DGKD: variants seen among roughly 807,000 people sequenced by gnomAD.
The protein encoded by DGKD is DAG kinase delta.
In DGKD, 68 loss-of-function variants were observed where a neutral mutation model predicts 154.4. The observed-to-expected ratio is 0.44, with a 90% confidence interval of 0.36 to 0.54. DGKD has a LOEUF of 0.54. Among genes scored for constraint, DGKD ranks in the 20% least tolerant of loss-of-function variants. The probability of loss-of-function intolerance (pLI) is 0.00; values close to 1 mark genes in which losing one functional copy is unlikely to be tolerated. For synonymous variants in DGKD, 693 were observed against 638.0 expected, an observed-to-expected ratio of 1.09 and a Z score of -1.30; for missense variants, 1,343 against 1,593.6, an observed-to-expected ratio of 0.84 and a Z score of 2.68.
intron 3 of DGKD, among the ~76,000 whole-genome samples, chr2:233,401,632 G>T (rs2061559713): frequency 6.6e-6 from 1 of 152,020 alleles, no homozygotes. Context: ...AAAGCGCTGT[G>T]AACTAAGGCT....
At chr2:233,380,894 G>A (rs1166399157) in intron 1 of DGKD, among the ~76,000 whole-genome samples, 1 of 152,126 alleles carries the variant, frequency 6.6e-6, no homozygotes, top group African/African-American at 2.4e-5. Context: ...TCCTGTCGGT[G>A]GAGGCTTTGG....
At chr2:233,447,393 A>G in intron 12 of DGKD, 6 of 809,900 alleles carry the variant, frequency 7.4e-6, no homozygotes, top group Non-Finnish European at 9.0e-6. Flanking sequence ...GGTAGTACAA[A>G]GAGGTGAGCT....
In DGKD at chr2:233,438,938, G is replaced by C. The variant is rs981053113; in HGVS notation, c.1085+559G>C. Among the ~76,000 whole-genome samples, 2 of 152,254 alleles carry C rather than the reference G, an allele frequency of 1.3e-5. No individual in the cohort carries two copies. The highest frequency in any genetic ancestry group is 4.8e-5 in the African/African-American group (2 of 41,472). ...AGAGGCACAGGAGGCCGCTCGGTGT[G>C]CAGGTGCTGCAAGGCAGGAACACGT... On this transcript the variant is annotated intron_variant, in intron 9 of 29. Coordinates refer to ENST00000264057, the MANE Select transcript of DGKD (RefSeq NM_152879.3). This position sits in a 1 kb window ranked among gnomAD's most constrained non-coding sequence, Gnocchi z 4.1.
At chr2:233,399,810 A>G (rs2061513394) in intron 3 of DGKD, among the ~76,000 whole-genome samples, 1 of 152,190 alleles carries the variant, frequency 6.6e-6, no homozygotes, top group African/African-American at 2.4e-5. Context: ...CCTTTCCCCC[A>G]ACATGAGGAT....
intron 3 of DGKD, among the ~76,000 whole-genome samples, chr2:233,423,921 C>T (rs2062204479): frequency 6.6e-6 from 1 of 152,146 alleles, no homozygotes. Flanking sequence ...TCCCTTTGGA[C>T]AAGACCCTTG....
intron 1 of DGKD, among the ~76,000 whole-genome samples, chr2:233,357,634 T>C (rs1447417139): frequency 6.6e-6 from 1 of 151,740 alleles, no homozygotes; most frequent in Non-Finnish European, 1.5e-5. Flanking sequence ...CCTCCTGGGC[T>C]TAAGTGATTT....
In DGKD at chr2:233,449,023, G is replaced by T. The variant is rs2063179029; in HGVS notation, c.1615-80G>T. The stretch of plus-strand genomic sequence containing the variant: ...TTTGATCGAGTTCTAGGAAGTCTGG[G>T]TGAAATGGCCTGAGGTTCCCTGCCT... On this transcript the variant is annotated intron_variant, in intron 14 of 29. Coordinates refer to ENST00000264057, the MANE Select transcript of DGKD (RefSeq NM_152879.3). This position sits in a 1 kb window ranked among gnomAD's most constrained non-coding sequence, Gnocchi z 5.3. The T allele has an allele frequency of 1.3e-6, 2 of 1,484,658 alleles. No individual in the cohort carries two copies. The highest frequency in any genetic ancestry group is 2.7e-5 in the South Asian group (2 of 74,550). 92.0% of individuals were successfully genotyped at this position (1,484,658 alleles called of 1,614,324 possible). A position where few individuals can be genotyped will look rare whatever the true frequency, so the allele number is the denominator to read the frequency against.
chr2:233,361,255 G>A (rs1381500000), intron 1 of DGKD, among the ~76,000 whole-genome samples: 1 of 152,162 alleles, frequency 6.6e-6, no homozygotes, highest in African/African-American at 2.4e-5. Flanking sequence ...CAGAAGTATT[G>A]GAAGGACTGC....
chr2:233,435,925 G>T lies in DGKD; in HGVS notation c.693+1G>T. The T allele has an allele frequency of 1.2e-6, 2 of 1,605,570 alleles. No individual in the cohort carries two copies. The highest frequency in any genetic ancestry group is 2.2e-5 in the East Asian group (1 of 44,740). ...GGACATCATTGAAGATGCAGATGGG[G>T]TATGTTAAGAAATACCACCTGTGGG... On this transcript the variant is annotated splice_donor_variant, in intron 6 of 29. Coordinates refer to ENST00000264057, the MANE Select transcript of DGKD (RefSeq NM_152879.3). LOFTEE classifies it high-confidence loss of function.
chr2:233,460,824 G>A (rs60064064), intron 24 of DGKD, among the ~76,000 whole-genome samples: 11,031 of 152,022 alleles, frequency 0.073, 678 homozygotes, highest in South Asian at 0.31. Context: ...CCCCAGAGGC[G>A]GAGGTTGCAG....
intron 1 of DGKD, chr2:233,379,978 G>A (rs568356870): frequency 1.5e-4 from 23 of 152,278 alleles, no homozygotes; most frequent in African/African-American, 5.5e-4. Flanking sequence ...TTTAACAAAC[G>A]TTCCAGGGGT....
rs1229154203 is a variant in DGKD at position 233,440,205 on chromosome 2, C to A, written c.1086-1682C>A. On this transcript the variant is annotated intron_variant, in intron 9 of 29. Transcript: ENST00000264057. This position sits in a 1 kb window ranked among gnomAD's most constrained non-coding sequence, Gnocchi z 4.9. Reference sequence around the variant, plus strand: ...GCAGCTCATCTCACACAGCTCACAGCAGAATCTGGAGCTACTGCTTCATGT... The same window carrying A: ...GCAGCTCATCTCACACAGCTCACAGAAGAATCTGGAGCTACTGCTTCATGT... 2.6e-5 allele frequency among the ~76,000 whole-genome samples: 4 copies of A among 152,208 alleles called. No individual in the cohort carries two copies. The highest frequency in any genetic ancestry group is 6.5e-5 in the Admixed American group (1 of 15,288).
intron 1 of DGKD, among the ~76,000 whole-genome samples, chr2:233,355,769 A>G (rs1701507615): frequency 6.6e-6 from 1 of 152,240 alleles, no homozygotes; most frequent in African/African-American, 2.4e-5. Context: ...GCAAATAACA[A>G]TTCTTTAATA....
At position 233,410,832 on chromosome 2, in the gene DGKD, G is replaced by A. The variant is rs566311775; in HGVS notation, c.348+20349G>A. On this transcript the variant is annotated intron_variant, in intron 3 of 29. Transcript: ENST00000264057. ...ACACTGAAGCTGTCACCATAGTCAGGATAACATTTCCATCACCCTGAGAAT... is the reference window on the plus strand; with the variant it reads ...ACACTGAAGCTGTCACCATAGTCAGAATAACATTTCCATCACCCTGAGAAT... Among the ~76,000 whole-genome samples, 45 of 150,324 alleles carry A rather than the reference G, an allele frequency of 3.0e-4. 1 individual carries two copies. In the South Asian group the frequency reaches 9.3e-3, roughly 31 times the overall value.
rs563337396 is a variant in DGKD, at chr2:233,390,255, C to G, written c.268-148C>G. The G allele has an allele frequency of 7.9e-6, 4 of 504,876 alleles. No individual in the cohort carries two copies. In the East Asian group the frequency reaches 1.3e-4, roughly 17 times the overall value. 31.3% of individuals were successfully genotyped at this position (504,876 alleles called of 1,614,324 possible). A position where few individuals can be genotyped will look rare whatever the true frequency, so the allele number is the denominator to read the frequency against. On this transcript the variant is annotated intron_variant, in intron 2 of 29. Coordinates refer to ENST00000264057, the MANE Select transcript of DGKD (RefSeq NM_152879.3). ...AGGTGGGTGGGTTAATTTGGATTGGCTTATTGATTGGATGCTACAGTTTCA... is the reference window on the plus strand; with the variant it reads ...AGGTGGGTGGGTTAATTTGGATTGGGTTATTGATTGGATGCTACAGTTTCA...
At chr2:233,418,146 C>T (rs1178233274) in intron 3 of DGKD, among the ~76,000 whole-genome samples, 3 of 152,224 alleles carry the variant, frequency 2.0e-5, no homozygotes, top group Non-Finnish European at 1.5e-5. Context: ...GACTATGGGC[C>T]TGTGACATAC....
intron 3 of DGKD, among the ~76,000 whole-genome samples, chr2:233,416,215 C>A (rs986631744): frequency 6.6e-6 from 1 of 152,096 alleles, no homozygotes; most frequent in African/African-American, 2.4e-5. Context: ...TATAAATATG[C>A]CCTTTTATAA....
At chr2:233,418,643 A>G (rs573316126) in intron 3 of DGKD, among the ~76,000 whole-genome samples, 1 of 152,310 alleles carries the variant, frequency 6.6e-6, no homozygotes, top group African/African-American at 2.4e-5. Context: ...CTGGGGAGGC[A>G]GGAGTGGGTC....
intron 3 of DGKD, among the ~76,000 whole-genome samples, chr2:233,417,912 C>G (rs536918645): frequency 1.6e-4 from 25 of 152,240 alleles, no homozygotes. Flanking sequence ...TCCCCAGAGG[C>G]ACAACAGTGT....
Sources: gnomAD v4.1 joint callset for allele counts (sites outside exome capture counted in the v4.1 genomes callset) on GRCh38, gnomAD v4.1.1 for gene constraint, Gnocchi (gnomAD v3.1) non-coding constraint, MANE v1.5 for transcripts, NCBI Gene and HGNC (gene_info 2026-07-23, HGNC 2026-07-21) for gene names.